The following POFUT3 variants were observed in gnomAD, a reference collection of about 807,000 sequenced individuals.
POFUT3 encodes the protein protein O-fucosyltransferase 3.
At chr8:33,416,830 CA>C in the POFUT3 span, among the ~76,000 whole-genome samples, 586 of 44,548 alleles carry the variant, frequency 0.013, 2 homozygotes, top group African/African-American at 0.022. Flanking sequence ...TGGGCGACGA[CA>C]AAAAAAAAAA....
the POFUT3 span, among the ~76,000 whole-genome samples, chr8:33,459,641 C>CAA: frequency 9.2e-5 from 10 of 108,352 alleles, no homozygotes; most frequent in Admixed American, 6.8e-4. Flanking sequence ...GAAACTGTCT[C>CAA]AAAAAAAAAA....
chr8:33,441,432 G>A, the POFUT3 span, among the ~76,000 whole-genome samples: 1 of 144,182 alleles, frequency 6.9e-6, no homozygotes, highest in Non-Finnish European at 1.5e-5. Context: ...CCAGGCTGGA[G>A]TGCAATGGTA....
chr8:33,338,779 T>G, the POFUT3 span: 1 of 152,052 alleles, frequency 6.6e-6, no homozygotes, highest in Non-Finnish European at 1.5e-5. Flanking sequence ...TTGGCAGAAA[T>G]GATGCAGTAC....
chr8:33,461,415 C>T, the POFUT3 span: 1 of 1,613,500 alleles, frequency 6.2e-7, no homozygotes, highest in Non-Finnish European at 8.5e-7. Context: ...GACGCACAGG[C>T]AAGATGCCAA....
the POFUT3 span, among the ~76,000 whole-genome samples, chr8:33,445,719 A>G: frequency 6.6e-6 from 1 of 152,200 alleles, no homozygotes. Flanking sequence ...AGTAACCATG[A>G]GGACATAGAG....
At chr8:33,334,754 C>T in the POFUT3 span, among the ~76,000 whole-genome samples, 2 of 152,190 alleles carry the variant, frequency 1.3e-5, no homozygotes, top group South Asian at 2.1e-4. Flanking sequence ...CTGTTTACTT[C>T]GCTGCTTTCT....
chr8:33,454,977 T>C, the POFUT3 span, among the ~76,000 whole-genome samples: 137 of 152,262 alleles, frequency 9.0e-4, no homozygotes, highest in African/African-American at 3.1e-3. Context: ...GTTTTGCCTC[T>C]TAATGAAACC....
the POFUT3 span, among the ~76,000 whole-genome samples, chr8:33,376,247 C>T: frequency 2.0e-5 from 3 of 151,672 alleles, no homozygotes; most frequent in Non-Finnish European, 2.9e-5. Flanking sequence ...GGAAGACAAT[C>T]CATTATGTGT....
At chr8:33,434,435 A>C in the POFUT3 span, among the ~76,000 whole-genome samples, 118 of 152,268 alleles carry the variant, frequency 7.7e-4, no homozygotes, top group African/African-American at 2.6e-3. Flanking sequence ...GTGGAACAGA[A>C]AGGAAGTCCC....
At chr8:33,436,242 A>G in the POFUT3 span, 2 of 1,350,520 alleles carry the variant, frequency 1.5e-6, no homozygotes, top group Non-Finnish European at 2.1e-6. Context: ...GTGTATTCTC[A>G]TGCACAACAA....
At chr8:33,340,461 T>A in the POFUT3 span, among the ~76,000 whole-genome samples, 288 of 151,974 alleles carry the variant, frequency 1.9e-3, 1 homozygote, top group African/African-American at 6.4e-3. Flanking sequence ...CAAATATAAA[T>A]GGTCTAAATA....
chr8:33,366,938 C>G, the POFUT3 span, among the ~76,000 whole-genome samples: 1 of 152,024 alleles, frequency 6.6e-6, no homozygotes, highest in East Asian at 1.9e-4. Context: ...TTTTGTCACA[C>G]AGAATATTAA....
At chr8:33,411,025 G>T in the POFUT3 span, among the ~76,000 whole-genome samples, 3 of 152,124 alleles carry the variant, frequency 2.0e-5, no homozygotes, top group African/African-American at 7.2e-5. Context: ...AAGCCACTGG[G>T]TGTTATGGTC....
the POFUT3 span, among the ~76,000 whole-genome samples, chr8:33,402,563 A>C: frequency 2.0e-5 from 3 of 152,178 alleles, no homozygotes; most frequent in Non-Finnish European, 4.4e-5. Context: ...ATGTCTCATC[A>C]CTGAAACAGC....
At chr8:33,437,054 C>T in the POFUT3 span, among the ~76,000 whole-genome samples, 1 of 152,126 alleles carries the variant, frequency 6.6e-6, no homozygotes, top group Non-Finnish European at 1.5e-5. Flanking sequence ...GGATAATGGC[C>T]TCCAGCTGCA....
the POFUT3 span, among the ~76,000 whole-genome samples, chr8:33,421,997 T>TA: frequency 2.2e-4 from 32 of 148,218 alleles, no homozygotes; most frequent in Non-Finnish European, 3.9e-4. Context: ...GGTTTTTGTC[T>TA]AAAAAAAAAA....
At chr8:33,418,835 A>T in the POFUT3 span, among the ~76,000 whole-genome samples, 1 of 152,226 alleles carries the variant, frequency 6.6e-6, no homozygotes, top group Admixed American at 6.5e-5. Flanking sequence ...CTAAGTGTCC[A>T]ATGGATGACC....
At chr8:33,391,638 T>C in the POFUT3 span, among the ~76,000 whole-genome samples, 2 of 152,096 alleles carry the variant, frequency 1.3e-5, no homozygotes, top group African/African-American at 4.8e-5. Context: ...CCAGAACCTA[T>C]ATAATTGAGT....
At chr8:33,422,018 G>GAAAACAAAAACA in the POFUT3 span, among the ~76,000 whole-genome samples, 4 of 149,534 alleles carry the variant, frequency 2.7e-5, no homozygotes, top group Non-Finnish European at 5.9e-5. Flanking sequence ...CAACCACACA[G>GAAAACAAAAACA]AAAACAAAAA....
Sources: gnomAD v4.1 joint callset for allele counts (sites outside exome capture counted in the v4.1 genomes callset) on GRCh38, gnomAD v4.1.1 for gene constraint, MANE v1.5 for transcripts, NCBI Gene and HGNC (gene_info 2026-07-23, HGNC 2026-07-21) for gene names.